Variants in SLC25A48 observed in about 807,000 individuals in gnomAD.
SLC25A48 encodes the protein solute carrier family 25 member 48, also known as CTC-321K16.1.
Under a neutral mutation model 32.2 loss-of-function variants are expected in SLC25A48, and 29 were observed. That is an observed-to-expected ratio of 0.90 (90% confidence interval 0.67 to 1.23). The LOEUF (loss-of-function observed/expected upper bound fraction) is 1.23, where lower values mean the gene tolerates loss of function less well. Among genes scored for constraint, SLC25A48 ranks in the 50% most tolerant of loss-of-function variants. The pLI, the probability that SLC25A48 is intolerant of heterozygous loss-of-function variation, is 0.00. For synonymous variants in SLC25A48, 164 were observed against 172.3 expected (o/e 0.95, Z 0.38); for missense variants, 399 against 422.7 (o/e 0.94, Z 0.49).
intron 3 of SLC25A48, among the ~76,000 whole-genome samples, chr5:135,748,047 A>T (rs77731951): frequency 0.012 from 1,899 of 152,260 alleles, 14 homozygotes; most frequent in Non-Finnish European, 0.02. Flanking sequence ...CTGGAGCCCA[A>T]TCTGGTCAGG....
rs370992386 is a variant in SLC25A48 at position 135,667,690 on chromosome 5, C to A, written c.-521+32734C>A. Among the ~76,000 whole-genome samples, 64 of 152,308 alleles carry A rather than the reference C, an allele frequency of 4.2e-4. 1 individual carries two copies. The South Asian group carries it at 0.013, about 30-fold the overall frequency. Reference sequence around the variant, plus strand: ...TGCTTTGCTCTCTGGTCTTTTGCCTCTTCTTGGTTGACAGCATTTAGCACA... The same window carrying A: ...TGCTTTGCTCTCTGGTCTTTTGCCTATTCTTGGTTGACAGCATTTAGCACA... On this transcript the variant is annotated intron_variant, in intron 3 of 10. Transcript: ENST00000646290.
At chr5:135,580,076 C>T (rs1406020763) in intron 1 of SLC25A48, among the ~76,000 whole-genome samples, 1 of 152,158 alleles carries the variant, frequency 6.6e-6, no homozygotes, top group Non-Finnish European at 1.5e-5. Context: ...TTATCTATTA[C>T]TTTGATTCTT....
intron 4 of SLC25A48, among the ~76,000 whole-genome samples, chr5:135,813,507 C>T (rs573128000): frequency 4.1e-4 from 63 of 151,878 alleles, no homozygotes; most frequent in African/African-American, 1.5e-3. Flanking sequence ...ATAGATGGGG[C>T]GAGAGGGAAG....
chr5:135,642,056 A>G (rs1034974470), intron 3 of SLC25A48, among the ~76,000 whole-genome samples: 8 of 152,352 alleles, frequency 5.3e-5, no homozygotes, highest in African/African-American at 1.4e-4. Context: ...TAGTATAATT[A>G]AGGCCTTTCT....
intron 3 of SLC25A48, among the ~76,000 whole-genome samples, chr5:135,782,652 C>G (rs1756742222): frequency 8.6e-6 from 1 of 116,884 alleles, no homozygotes; most frequent in Non-Finnish European, 2.1e-5. Context: ...GGCTGTATAC[C>G]CCTCCCGTGA....
chr5:135,878,795 A>G (rs535728659), intron 6 of SLC25A48, among the ~76,000 whole-genome samples: 39 of 152,300 alleles, frequency 2.6e-4, no homozygotes, highest in African/African-American at 9.1e-4. Flanking sequence ...GACAGTTCTC[A>G]AGTCATTTAC....
At chr5:135,864,505 G>A (rs11954884) in intron 4 of SLC25A48, among the ~76,000 whole-genome samples, 1,762 of 152,192 alleles carry the variant, frequency 0.012, 29 homozygotes, top group African/African-American at 0.04. Flanking sequence ...CATGAAAAGG[G>A]ACCCAAAATC....
chr5:135,846,227 G>T (rs1759406964), intron 2 of SLC25A48, among the ~76,000 whole-genome samples: 2 of 152,144 alleles, frequency 1.3e-5, no homozygotes, highest in Admixed American at 1.3e-4. Flanking sequence ...CCCCACCCTG[G>T]TCTTTGGAAA....
chr5:135,611,496 C>CAAAAAAAAAAAAAAAAAAAA (rs57138043), intron 1 of SLC25A48, among the ~76,000 whole-genome samples: 51 of 21,348 alleles, frequency 2.4e-3, no homozygotes, highest in Non-Finnish European at 2.5e-3. Context: ...GACTCCATCT[C>CAAAAAAAAAAAAAAAAAAAA]AAAAAAAAAA....
intron 2 of SLC25A48, among the ~76,000 whole-genome samples, chr5:135,850,081 C>A (rs1258994998): frequency 3.9e-5 from 6 of 152,208 alleles, no homozygotes; most frequent in Admixed American, 2.0e-4. Flanking sequence ...CAGGTGTCCC[C>A]CAAATATATT....
At chr5:135,797,076 G>T (rs150563651) in intron 3 of SLC25A48, among the ~76,000 whole-genome samples, 164 of 151,814 alleles carry the variant, frequency 1.1e-3, no homozygotes, top group African/African-American at 3.8e-3. Flanking sequence ...CTGTGATATT[G>T]TTCCTAATAT....
At chr5:135,638,737 T>A (rs1752765628) in intron 3 of SLC25A48, among the ~76,000 whole-genome samples, 1 of 152,226 alleles carries the variant, frequency 6.6e-6, no homozygotes, top group Non-Finnish European at 1.5e-5. Flanking sequence ...ATACCAAATA[T>A]AACGTCTTAT....
chr5:135,777,767 A>G (rs1413106020), intron 3 of SLC25A48, among the ~76,000 whole-genome samples: 1 of 126,958 alleles, frequency 7.9e-6, no homozygotes, highest in Non-Finnish European at 1.7e-5. Flanking sequence ...ACCCCCTGTG[A>G]TATTATTCCT....
chr5:135,861,313 GCACACACACACACACACACA>G (rs10561751), intron 4 of SLC25A48, among the ~76,000 whole-genome samples: 1 of 145,692 alleles, frequency 6.9e-6, no homozygotes, highest in South Asian at 2.2e-4. Context: ...AAATACACAC[GCACACACACACACACACACA>G]CACACACACT....
intron 3 of SLC25A48, among the ~76,000 whole-genome samples, chr5:135,730,555 G>A (rs1312700207): frequency 6.6e-6 from 1 of 152,184 alleles, no homozygotes; most frequent in East Asian, 1.9e-4. Flanking sequence ...TCAGCACCAT[G>A]AAAACGAACT....
intron 3 of SLC25A48, among the ~76,000 whole-genome samples, chr5:135,791,831 C>T (rs1414708902): frequency 6.6e-6 from 1 of 151,244 alleles, no homozygotes; most frequent in Non-Finnish European, 1.5e-5. Flanking sequence ...AGGGGGTGTG[C>T]ACCTTGTGAT....
chr5:135,654,865 C>T (rs1458693131), intron 3 of SLC25A48, among the ~76,000 whole-genome samples: 4 of 152,190 alleles, frequency 2.6e-5, no homozygotes, highest in Non-Finnish European at 5.9e-5. Context: ...ACATAGACTG[C>T]GAGAACTCGG....
At chr5:135,688,922 G>A (rs1754080778) in intron 3 of SLC25A48, among the ~76,000 whole-genome samples, 1 of 152,148 alleles carries the variant, frequency 6.6e-6, no homozygotes, top group African/African-American at 2.4e-5. Flanking sequence ...TTCTTTGAAT[G>A]CTTACTGTGT....
At chr5:135,800,589 G>A (rs1399335277) in intron 3 of SLC25A48, among the ~76,000 whole-genome samples, 8 of 151,748 alleles carry the variant, frequency 5.3e-5, no homozygotes, top group African/African-American at 1.7e-4. Flanking sequence ...GCCCAATATC[G>A]CAGTGGCTGT....
Sources: gnomAD v4.1 joint callset for allele counts (sites outside exome capture counted in the v4.1 genomes callset) on GRCh38, gnomAD v4.1.1 for gene constraint, MANE v1.5 for transcripts, NCBI Gene and HGNC (gene_info 2026-07-23, HGNC 2026-07-21) for gene names.